Variants in MROH2A observed in about 807,000 individuals in gnomAD.
MROH2A encodes the protein maestro heat-like repeat-containing protein family member 2A.
A neutral mutation model predicts 200.4 loss-of-function variants in MROH2A; 174 were observed. The observed-to-expected ratio is 0.87, with a 90% confidence interval of 0.77 to 0.98. The LOEUF (loss-of-function observed/expected upper bound fraction) is 0.98. MROH2A is among the 50% of genes least tolerant of loss of function. The pLI is 0.00. For missense variants in MROH2A, 2,045 were observed against 2,139.6 expected (o/e 0.96, Z 0.87); for synonymous variants, 829 against 840.4 (o/e 0.99, Z 0.23).
chr2:233,832,757 G>C (rs554826221), intron 41 of MROH2A, 113 bp downstream of exon 41: 24 of 661,322 alleles, frequency 3.6e-5, no homozygotes, highest in Middle Eastern at 3.6e-4. Context: ...TGGGGTTTCG[G>C]GGGGGTGGGA....
intron 3 of MROH2A, among the ~76,000 whole-genome samples, chr2:233,787,595 AT>A (rs1553628226): frequency 1.2e-4 from 3 of 25,824 alleles, no homozygotes; most frequent in East Asian, 2.3e-3. Flanking sequence ...ACATATATAT[AT>A]TATATATTAT....
At chr2:233,798,272 T>C (rs1702241067) in intron 11 of MROH2A, among the ~76,000 whole-genome samples, 1 of 152,184 alleles carries the variant, frequency 6.6e-6, no homozygotes, top group South Asian at 2.1e-4. Flanking sequence ...GTTAACTCTG[T>C]GAGAGAGGCA....
chr2:233,829,926 G>A (rs1704606742), intron 38 of MROH2A, among the ~76,000 whole-genome samples, 151 bp downstream of exon 38: 1 of 152,098 alleles, frequency 6.6e-6, no homozygotes, highest in Non-Finnish European at 1.5e-5. Context: ...CCTGCTCCCT[G>A]CTGTCCTCCA....
At chr2:233,824,149 T>G (rs936959535) in intron 35 of MROH2A, among the ~76,000 whole-genome samples, 1 of 152,202 alleles carries the variant, frequency 6.6e-6, no homozygotes, top group East Asian at 1.9e-4. Context: ...GCAGAGTAAA[T>G]TTTTGGCTTT....
At chr2:233,823,384 C>T (rs1704084292) in intron 34 of MROH2A, among the ~76,000 whole-genome samples, 172 bp from the exon 35 acceptor site, 1 of 152,220 alleles carries the variant, frequency 6.6e-6, no homozygotes, top group Non-Finnish European at 1.5e-5. Flanking sequence ...TCACTGACAA[C>T]CTCAACCAAG....
intron 3 of MROH2A, among the ~76,000 whole-genome samples, chr2:233,786,715 A>T (rs557058692): frequency 3.5e-4 from 54 of 152,310 alleles, no homozygotes; most frequent in African/African-American, 1.3e-3. Context: ...AGCATCAGGA[A>T]ATGAAGAAAA....
chr2:233,796,153 G>A, intron 10 of MROH2A, 47 bp from the exon 11 acceptor site: 1 of 1,524,968 alleles, frequency 6.6e-7, no homozygotes, highest in African/African-American at 1.4e-5. Context: ...TGCTGGGCCT[G>A]CTCTGGACCC....
rs1221741745 is a variant in MROH2A, at chr2:233,810,654, G to A, written c.2449-140G>A. 12 of 1,102,378 alleles carry A rather than the reference G, an allele frequency of 1.1e-5. No individual in the cohort carries two copies. In the East Asian group the frequency reaches 2.5e-4, roughly 23 times the overall value. The allele number at this position is 1,102,378 out of a possible 1,614,324, so 68.3% of individuals were successfully genotyped here. On this transcript the variant is annotated intron_variant, in intron 22 of 41. Transcript: ENST00000389758. Reference sequence around the variant, plus strand: ...CATTCATGTGGTCGAAGGACAGAGTGAGGCTGGCCATCTCTCAGAGCATTC... The same window carrying A: ...CATTCATGTGGTCGAAGGACAGAGTAAGGCTGGCCATCTCTCAGAGCATTC...
In MROH2A at chr2:233,813,761, G is replaced by T; in HGVS notation, c.2743G>T (p.Asp915Tyr). ...SVISLQLPGE[D>Y]NESIKTLYAN... Reference sequence around the variant, plus strand: ...AATTTCTCTCCAACTCCCAGGAGAGGACAATGAGTCCATTAAGGTAGGTCC... The same window carrying T: ...AATTTCTCTCCAACTCCCAGGAGAGTACAATGAGTCCATTAAGGTAGGTCC... Residue 915 changes from aspartate to tyrosine, a missense_variant, in exon 25 of 42, where the codon GAC (aspartate) becomes TAC (tyrosine). Coordinates refer to ENST00000389758, the MANE Select transcript of MROH2A (RefSeq NM_001394639.1). 1 of 1,543,394 alleles carries T rather than the reference G, an allele frequency of 6.5e-7. No individual in the cohort carries two copies. The highest frequency in any genetic ancestry group is 2.4e-5 in the East Asian group (1 of 40,890).
At chr2:233,787,615 T>C (rs866415109) in intron 3 of MROH2A, among the ~76,000 whole-genome samples, 2 of 71,482 alleles carry the variant, frequency 2.8e-5, no homozygotes, top group Non-Finnish European at 2.3e-5. Context: ...ATATATATCA[T>C]ATATACATAT....
chr2:233,789,537 A>G lies in MROH2A; in HGVS notation c.317A>G (p.Gln106Arg). ...AAGGTCAACATTTACAACATCCTCC[A>G]GGACATCATCCAGCAGGAGGGGGAG... ...QRKVNIYNIL[Q>R]DIIQQEGELE... is the part of the protein sequence containing the mutation. Residue 106 changes from glutamine (Q) to arginine (R), a missense_variant, in exon 4 of 42, where the codon CAG (glutamine) becomes CGG (arginine). Gln to Arg is a conservative substitution (Grantham distance 43). Around this residue, in one of 3 missense-constraint regions of MROH2A, gnomAD observed 831 missense variants for 800.0 expected, o/e 1.04. Transcript: ENST00000389758. 6.7e-7 allele frequency: 1 copy of G among 1,483,432 alleles called. No individual in the cohort carries two copies. The allele number at this position is 1,483,432 out of a possible 1,614,324, so 91.9% of individuals were successfully genotyped here.
intron 21 of MROH2A, 141 bp from the exon 22 acceptor site, chr2:233,808,985 T>C: frequency 1.1e-6 from 1 of 873,454 alleles, no homozygotes; most frequent in Non-Finnish European, 1.7e-6. Context: ...ACGATGAACA[T>C]TTCAGGCACC....
intron 11 of MROH2A, among the ~76,000 whole-genome samples, chr2:233,797,732 CT>C (rs1216277598): frequency 1.3e-5 from 2 of 152,182 alleles, no homozygotes; most frequent in African/African-American, 4.8e-5. Flanking sequence ...TCTCCCTCCC[CT>C]TTCCCCCAAC....
At chr2:233,786,078 C>T (rs528451578) in intron 3 of MROH2A, among the ~76,000 whole-genome samples, 24 of 152,244 alleles carry the variant, frequency 1.6e-4, no homozygotes, top group South Asian at 8.3e-4. Context: ...ATAAGTCTCA[C>T]GAGATCTGAT....
At chr2:233,831,141 C>T (rs1384708797) in intron 38 of MROH2A, among the ~76,000 whole-genome samples, 1 of 152,204 alleles carries the variant, frequency 6.6e-6, no homozygotes, top group African/African-American at 2.4e-5. Context: ...GGGTCCCAGG[C>T]AGGGCTGCTG....
chr2:233,808,870 G>A (rs12053059), intron 21 of MROH2A, among the ~76,000 whole-genome samples: 106,372 of 152,144 alleles, frequency 0.7, 37,483 homozygotes, highest in African/African-American at 0.75. Flanking sequence ...TGGTCTGGGC[G>A]TCTATAGCCC....
At chr2:233,782,943 A>G (rs1214582597) in intron 3 of MROH2A, among the ~76,000 whole-genome samples, 1 of 56,510 alleles carries the variant, frequency 1.8e-5, no homozygotes, top group East Asian at 8.1e-4. Context: ...TGAATTTATC[A>G]AATACTTTTT....
At chr2:233,802,448 T>C in intron 15 of MROH2A, 133 bp downstream of exon 15, 1 of 986,716 alleles carries the variant, frequency 1.0e-6, no homozygotes, top group African/African-American at 1.6e-5. Flanking sequence ...TCCAAATTAA[T>C]ACTATTAATG....
intron 35 of MROH2A, 49 bp downstream of exon 35, chr2:233,823,713 G>A: frequency 6.5e-7 from 1 of 1,536,546 alleles, no homozygotes; most frequent in Non-Finnish European, 8.8e-7. Context: ...GAGGGGATGG[G>A]GTCCCTGGAT....
Sources: gnomAD v4.1 joint callset for allele counts (sites outside exome capture counted in the v4.1 genomes callset) on GRCh38, gnomAD v4.1.1 for gene constraint, gnomAD v4.1.1 regional missense constraint, MANE v1.5 for transcripts, NCBI Gene and HGNC (gene_info 2026-07-23, HGNC 2026-07-21) for gene names.